Variants in RBX1 observed in about 807,000 individuals in gnomAD.
RBX1 encodes E3 ubiquitin-protein ligase RBX1.
For missense variants in RBX1, 46 were observed against 141.4 expected (o/e 0.33, Z 3.42); for synonymous variants, 48 against 47.9 (o/e 1.00, Z -0.01).
chr22:40,967,935 A>C (rs1471778292), intron 4 of RBX1, 51 bp downstream of exon 4: 2 of 1,294,502 alleles, frequency 1.5e-6, no homozygotes. Context: ...CCTCAGGCTG[A>C]AAGGAGCGTG....
intron 3 of RBX1, 151 bp from the exon 4 acceptor site, chr22:40,967,648 T>C (rs1782522791): frequency 1.6e-5 from 9 of 576,786 alleles, no homozygotes; most frequent in Admixed American, 3.0e-5. Context: ...AACCAAGATA[T>C]AATCAGTTGT....
At chr22:40,961,819 C>G (rs1196961067) in intron 2 of RBX1, among the ~76,000 whole-genome samples, 1 of 152,004 alleles carries the variant, frequency 6.6e-6, no homozygotes, top group Non-Finnish European at 1.5e-5. Context: ...CAGCCTTACT[C>G]TGTCACCCAG....
intron 2 of RBX1, among the ~76,000 whole-genome samples, chr22:40,962,773 A>G (rs2058344544): frequency 6.6e-6 from 1 of 151,120 alleles, no homozygotes; most frequent in African/African-American, 2.4e-5. Flanking sequence ...GCTCACTGCA[A>G]GCTCCGCCTC....
At chr22:40,958,472 T>C (rs1382484448) in intron 2 of RBX1, among the ~76,000 whole-genome samples, 2 of 152,190 alleles carry the variant, frequency 1.3e-5, no homozygotes, top group East Asian at 1.9e-4. Flanking sequence ...TGAGTAATTA[T>C]ATACATAGCT....
intron 3 of RBX1, among the ~76,000 whole-genome samples, chr22:40,965,036 G>T (rs1424381774): frequency 5.3e-5 from 8 of 152,236 alleles, no homozygotes; most frequent in Admixed American, 3.9e-4. Flanking sequence ...CGGACGCGGT[G>T]GCTCACGCCT....
chr22:40,968,024 A>T, intron 4 of RBX1, 140 bp downstream of exon 4: 1 of 497,370 alleles, frequency 2.0e-6, no homozygotes, highest in Non-Finnish European at 3.7e-6. Flanking sequence ...GGACTTATCT[A>T]TATGGAAAAT....
intron 2 of RBX1, among the ~76,000 whole-genome samples, chr22:40,960,086 A>T (rs1423006063): frequency 1.3e-5 from 2 of 152,146 alleles, no homozygotes; most frequent in East Asian, 3.9e-4. Flanking sequence ...ACTGCCCTTC[A>T]GCCTGGGCAA....
intron 1 of RBX1, among the ~76,000 whole-genome samples, chr22:40,951,817 G>T (rs2058311614): frequency 6.6e-6 from 1 of 151,460 alleles, no homozygotes; most frequent in Admixed American, 6.6e-5. Context: ...GGGGTGGGGT[G>T]GGTGGAATGG....
At chr22:40,972,164 C>G (rs1435418791) in intron 4 of RBX1, among the ~76,000 whole-genome samples, 1 of 152,190 alleles carries the variant, frequency 6.6e-6, no homozygotes, top group Non-Finnish European at 1.5e-5. Context: ...CCTTTCACAA[C>G]CACCAATGAC....
chr22:40,957,576 G>T (rs1386549664), intron 2 of RBX1, among the ~76,000 whole-genome samples: 1 of 152,074 alleles, frequency 6.6e-6, no homozygotes, highest in Non-Finnish European at 1.5e-5. Context: ...AGGCAGAGGT[G>T]ACAGTGAGTC....
Position 40,951,416 on chromosome 22 carries a change from T to C in RBX1, c.18T>C (p.Asp6=). The C allele has an allele frequency of 3.1e-6, 5 of 1,613,260 alleles. No individual in the cohort carries two copies. In the South Asian group the frequency reaches 4.4e-5, roughly 14 times the overall value. The change falls in exon 1 of 5, where the codon GAT becomes GAC. Residue 6 remains aspartate, a synonymous_variant. Coordinates refer to ENST00000216225, the MANE Select transcript of RBX1 (RefSeq NM_014248.4). ...TTTCCAAAATGGCGGCAGCGATGGATGTGGATACCCCGAGCGGCACCAACA... is the reference window on the plus strand; with the variant it reads ...TTTCCAAAATGGCGGCAGCGATGGACGTGGATACCCCGAGCGGCACCAACA... MAAAM[D]VDTPSGTNSG...
intron 4 of RBX1, among the ~76,000 whole-genome samples, chr22:40,970,877 A>G (rs1325253242): frequency 1.3e-5 from 2 of 152,226 alleles, no homozygotes; most frequent in African/African-American, 2.4e-5. Context: ...TTCAGTTTTT[A>G]AGAAACCTGC....
chr22:40,956,433 G>A (rs1220924420), intron 2 of RBX1, among the ~76,000 whole-genome samples: 3 of 139,286 alleles, frequency 2.2e-5, no homozygotes, highest in East Asian at 2.1e-4. Context: ...AGTCTCTGTC[G>A]CTCAGGCTGG....
chr22:40,971,063 G>A (rs1190395031), intron 4 of RBX1, among the ~76,000 whole-genome samples: 1 of 152,110 alleles, frequency 6.6e-6, no homozygotes, highest in Non-Finnish European at 1.5e-5. Context: ...AGTTTTCAGG[G>A]GGCCTTTGTA....
chr22:40,968,924 G>A (rs1207480545), intron 4 of RBX1, among the ~76,000 whole-genome samples: 2 of 149,272 alleles, frequency 1.3e-5, no homozygotes, highest in Admixed American at 1.3e-4. Flanking sequence ...CATTTCTAAT[G>A]GTTGCAGAGT....
chr22:40,953,681 T>C, intron 2 of RBX1, 48 bp downstream of exon 2: 1 of 1,328,610 alleles, frequency 7.5e-7, no homozygotes, highest in Non-Finnish European at 1.1e-6. Context: ...GTTGCAGAGA[T>C]TGTGGCTATC....
chr22:40,957,381 C>T (rs1471226294), intron 2 of RBX1, among the ~76,000 whole-genome samples: 1 of 151,404 alleles, frequency 6.6e-6, no homozygotes, highest in African/African-American at 2.4e-5. Context: ...TGAGGTGGGT[C>T]ACACCTGTAA....
At chr22:40,957,951 A>G (rs547301758) in intron 2 of RBX1, among the ~76,000 whole-genome samples, 27 of 152,032 alleles carry the variant, frequency 1.8e-4, no homozygotes, top group Admixed American at 1.4e-3. Context: ...CAGCTTCCCG[A>G]GTAGCTGGGA....
intron 4 of RBX1, among the ~76,000 whole-genome samples, chr22:40,972,103 C>T (rs1317284919): frequency 6.6e-6 from 1 of 152,144 alleles, no homozygotes; most frequent in Non-Finnish European, 1.5e-5. Context: ...TCAGGGCAGC[C>T]CGAAAGTTCA....
Sources: gnomAD v4.1 joint callset for allele counts (sites outside exome capture counted in the v4.1 genomes callset) on GRCh38, gnomAD v4.1.1 for gene constraint, MANE v1.5 for transcripts, NCBI Gene and HGNC (gene_info 2026-07-23, HGNC 2026-07-21) for gene names.